Variants in EVL observed in about 807,000 individuals in gnomAD.
EVL encodes ena/VASP-like protein.
In EVL, 21 loss-of-function variants were observed where a neutral mutation model predicts 59.6. That is an observed-to-expected ratio of 0.35 (90% confidence interval 0.25 to 0.51). EVL has a LOEUF of 0.51. EVL is among the 20% of genes least tolerant of loss of function. EVL has a pLI of 0.97. For synonymous variants in EVL, 198 were observed against 203.5 expected (o/e 0.97, Z 0.23); for missense variants, 462 against 546.6 (o/e 0.85, Z 1.54).
Position 100,129,548 on chromosome 14 carries a change from C to T in EVL, c.718-15C>T, listed in dbSNP as rs1223088814. The T allele has an allele frequency of 6.2e-7, 1 of 1,612,988 alleles. No individual in the cohort carries two copies. The highest frequency in any genetic ancestry group is 1.3e-5 in the African/African-American group (1 of 74,928). The stretch of plus-strand genomic sequence containing the variant: ...TCAGCAGCAGAATCTAAAACGCGGC[C>T]TCCTTTTTCCTCAGCCAGAAGACGC... On this transcript the variant is annotated splice_polypyrimidine_tract_variant and intron_variant, in intron 6 of 13. Coordinates refer to ENST00000392920, the MANE Select transcript of EVL (RefSeq NM_016337.3).
At chr14:100,132,639 G>C in intron 7 of EVL, 80 bp from the exon 8 acceptor site, 2 of 1,491,268 alleles carry the variant, frequency 1.3e-6, no homozygotes, top group South Asian at 1.1e-5. Context: ...GGTGAGTCTG[G>C]CAGGGTGGAG....
Position 100,108,593 on chromosome 14 carries a change from C to T in EVL, c.358+10935C>T, listed in dbSNP as rs754197796. Among the ~76,000 whole-genome samples the T allele has an allele frequency of 1.8e-4, 27 of 152,314 alleles. No individual in the cohort carries two copies. In the East Asian group the frequency reaches 3.1e-3, roughly 17 times the overall value. ...TGTTGTATCAGGCAGGGCCTTTGTA[C>T]GCCTCCATGCCAACAGCTACCCAAG... On this transcript the variant is annotated intron_variant, in intron 3 of 13. Coordinates refer to ENST00000392920, the MANE Select transcript of EVL (RefSeq NM_016337.3). This position sits in a 1 kb window ranked among gnomAD's most constrained non-coding sequence, Gnocchi z 4.1.
At chr14:100,091,483 G>A (rs2062563686) in intron 2 of EVL, among the ~76,000 whole-genome samples, 1 of 152,110 alleles carries the variant, frequency 6.6e-6, no homozygotes, top group Non-Finnish European at 1.5e-5. Context: ...TCCATAAAAG[G>A]ACCAAAAAGG....
chr14:100,080,074 T>A (rs145320729), intron 1 of EVL, among the ~76,000 whole-genome samples: 1,597 of 152,106 alleles, frequency 0.01, 30 homozygotes, highest in African/African-American at 0.037. Flanking sequence ...TTTTTTTTTT[T>A]TTCTCTTCAG....
intron 1 of EVL, among the ~76,000 whole-genome samples, chr14:100,013,595 CT>C (rs1449005365): frequency 6.6e-6 from 1 of 152,170 alleles, no homozygotes; most frequent in African/African-American, 2.4e-5. Flanking sequence ...CGAGGGTCCC[CT>C]GGCCATTGGA....
At chr14:100,083,662 CA>C (rs2062364703) in intron 1 of EVL, among the ~76,000 whole-genome samples, 2 of 152,168 alleles carry the variant, frequency 1.3e-5, no homozygotes, top group Non-Finnish European at 2.9e-5. Context: ...ATACTTTGAA[CA>C]AATGAGGTTG....
At chr14:100,025,558 T>C (rs1441633643) in intron 1 of EVL, among the ~76,000 whole-genome samples, 2 of 152,266 alleles carry the variant, frequency 1.3e-5, no homozygotes, top group Admixed American at 6.5e-5. Flanking sequence ...ATCTATATAC[T>C]GTAGCTTTAA....
In EVL at chr14:100,032,547, A is replaced by G. The variant is rs182414896; in HGVS notation, c.6-52140A>G. On this transcript the variant is annotated intron_variant, in intron 1 of 13. Coordinates refer to the EVL transcript ENST00000402714. ...CCAGGACGGCTTTTCATTGTTTTCT[A>G]CAGGTGGAGCCCTCCATGGTCTGGC... is the stretch of plus-strand genomic sequence containing the variant. 5.1e-4 allele frequency among the ~76,000 whole-genome samples: 77 copies of G among 152,250 alleles called. No individual in the cohort carries two copies. In the Middle Eastern group the frequency reaches 0.017, roughly 34 times the overall value.
At chr14:100,037,725 A>T (rs2061408654) in intron 1 of EVL, among the ~76,000 whole-genome samples, 1 of 152,226 alleles carries the variant, frequency 6.6e-6, no homozygotes, top group African/African-American at 2.4e-5. Context: ...TCGCTTCCCC[A>T]GAGCAGACAT....
intron 1 of EVL, among the ~76,000 whole-genome samples, chr14:100,068,062 G>A (rs763825922): frequency 3.3e-5 from 5 of 152,172 alleles, no homozygotes; most frequent in Non-Finnish European, 7.3e-5. Flanking sequence ...CTCAAACTGA[G>A]GGCAGAGTCG....
At chr14:100,001,865 A>G (rs2060948158) in intron 1 of EVL, among the ~76,000 whole-genome samples, 1 of 152,240 alleles carries the variant, frequency 6.6e-6, no homozygotes, top group African/African-American at 2.4e-5. Context: ...ATTCTAGTCA[A>G]AGCCTTGGTA....
At chr14:100,025,701 G>A (rs2061198662) in intron 1 of EVL, among the ~76,000 whole-genome samples, 1 of 152,172 alleles carries the variant, frequency 6.6e-6, no homozygotes. Flanking sequence ...GCAGAGGCGG[G>A]TGGGTTACCT....
intron 1 of EVL, among the ~76,000 whole-genome samples, chr14:100,048,746 A>C (rs2061596992): frequency 6.6e-6 from 1 of 152,224 alleles, no homozygotes; most frequent in Non-Finnish European, 1.5e-5. Flanking sequence ...TACTCTGCAA[A>C]AAAACAAACA....
At chr14:100,142,027 C>T (rs1889203119) in intron 13 of EVL, 2 of 421,220 alleles carry the variant, frequency 4.7e-6, no homozygotes, top group African/African-American at 2.0e-5. Context: ...CGAATCTGAC[C>T]TTCCACATCC....
intron 5 of EVL, 126 bp downstream of exon 5, chr14:100,126,897 G>T: frequency 1.3e-6 from 1 of 798,388 alleles, no homozygotes; most frequent in Non-Finnish European, 2.0e-6. Context: ...AGGTCTCAAA[G>T]TGCAACCACC....
chr14:100,097,658 G>T lies in EVL; in HGVS notation c.358G>T (p.Gly120Cys). The change falls in exon 3 of 14, where the codon GGC becomes TGC. Residue 120 changes from glycine (G) to cysteine (C), a missense_variant and splice_region_variant. Physicochemically the swap from Gly to Cys is radical, Grantham distance 159. Coordinates refer to ENST00000392920, the MANE Select transcript of EVL (RefSeq NM_016337.3). ...ALNIMNSQEG[G>C]PSSQRQVQNG... ...GAACATCATGAATTCCCAAGAAGGA[G>T]GTAAGTAGGGCTTTGTCTTGGCCTG... 6.2e-7 allele frequency: 1 copy of T among 1,608,210 alleles called. No individual in the cohort carries two copies. Among genetic ancestry groups the T allele is most frequent in the Admixed American group, 1.7e-5 (1 of 59,320 alleles).
At chr14:100,003,116 C>T (rs1347457748) in intron 1 of EVL, among the ~76,000 whole-genome samples, 2 of 152,188 alleles carry the variant, frequency 1.3e-5, no homozygotes, top group African/African-American at 4.8e-5. Flanking sequence ...TATTTTATCT[C>T]TCAAAATCGA....
intron 1 of EVL, among the ~76,000 whole-genome samples, chr14:99,988,314 T>C (rs2060852650): frequency 6.6e-6 from 1 of 152,148 alleles, no homozygotes; most frequent in Non-Finnish European, 1.5e-5. Context: ...GTGCTTAGCA[T>C]CATTAGACAA....
Position 100,083,577 on chromosome 14 carries a change from G to A in EVL, c.12-1110G>A, listed in dbSNP as rs149108973. On this transcript the variant is annotated intron_variant, in intron 1 of 13. Coordinates refer to ENST00000392920, the MANE Select transcript of EVL (RefSeq NM_016337.3). ...CCGAGAGACTTCCCCTGAATACCGT[G>A]GCAGGAGTTTTAGTGTATTAATTTT... is the stretch of plus-strand genomic sequence containing the variant. Among the ~76,000 whole-genome samples, 32 of 152,264 alleles carry A rather than the reference G, an allele frequency of 2.1e-4. No homozygotes were observed. In the East Asian group the frequency reaches 3.1e-3, roughly 15 times the overall value.
Sources: allele counts gnomAD v4.1 joint callset (sites outside exome capture counted in the v4.1 genomes callset), GRCh38; gene constraint gnomAD v4.1.1; non-coding constraint Gnocchi (gnomAD v3.1); transcripts MANE v1.5; gene names NCBI Gene and HGNC (gene_info 2026-07-23, HGNC 2026-07-21).